The following WWOX variants were observed in gnomAD, a reference collection of about 807,000 sequenced individuals.
The protein encoded by WWOX is WW domain-containing oxidoreductase.
In WWOX, 69 loss-of-function variants were observed where a neutral mutation model predicts 46.2. The observed-to-expected ratio is 1.49, with a 90% CI of 1.23 to 1.82. The LOEUF is 1.82. WWOX is among the 40% of genes most tolerant of loss of function. The pLI is 0.00. For missense variants in WWOX, 919 were observed against 542.6 expected, an observed-to-expected ratio of 1.69 and a Z score of -6.89; for synonymous variants, 359 against 202.6, an observed-to-expected ratio of 1.77 and a Z score of -6.56.
At chr16:78,412,484 G>T (rs908662915) in intron 6 of WWOX, among the ~76,000 whole-genome samples, 4 of 152,150 alleles carry the variant, frequency 2.6e-5, no homozygotes, top group Non-Finnish European at 4.4e-5. Flanking sequence ...AGAAACTGCT[G>T]CAGGGAAGAT....
chr16:78,799,718 C>G lies in WWOX; in HGVS notation c.1056+366966C>G, dbSNP rs148859695. Among the ~76,000 whole-genome samples the G allele has an allele frequency of 4.4e-3, 665 of 152,266 alleles. 10 individuals carry two copies. The highest frequency in any genetic ancestry group is 0.015 in the African/African-American group (619 of 41,560). On this transcript the variant is annotated intron_variant, in intron 8 of 8. Transcript: ENST00000566780. ...CCTGCTCTCTAATATTGTCCAAAAA[C>G]CTTCTCTAAAGAAAGTACACAAATG...
intron 7 of WWOX, among the ~76,000 whole-genome samples, chr16:78,426,907 C>G (rs1365369113): frequency 1.3e-5 from 2 of 152,218 alleles, no homozygotes; most frequent in African/African-American, 2.4e-5. Context: ...TGTGATCCGC[C>G]TGCCTTGGCT....
intron 4 of WWOX, among the ~76,000 whole-genome samples, chr16:78,163,118 G>A (rs777082410): frequency 3.6e-4 from 55 of 152,102 alleles, no homozygotes; most frequent in Non-Finnish European, 6.8e-4. Context: ...TTTTGGTGAA[G>A]TTTTTTCTTT....
At chr16:78,880,811 A>T (rs763022312) in intron 8 of WWOX, among the ~76,000 whole-genome samples, 24 of 152,138 alleles carry the variant, frequency 1.6e-4, no homozygotes, top group African/African-American at 5.3e-4. Context: ...TTTTCCCAAC[A>T]TGGGAGTATG....
At chr16:78,948,399 A>G (rs775464641) in intron 8 of WWOX, among the ~76,000 whole-genome samples, 4 of 152,172 alleles carry the variant, frequency 2.6e-5, no homozygotes, top group Non-Finnish European at 5.9e-5. Context: ...CAGAACTTGT[A>G]TCTTTTCTGG....
intron 5 of WWOX, among the ~76,000 whole-genome samples, chr16:78,316,445 C>T (rs1257270425): frequency 6.6e-6 from 1 of 152,120 alleles, no homozygotes; most frequent in Admixed American, 6.5e-5. Context: ...TGGGTTCAAG[C>T]GATTCTCCTG....
At chr16:78,213,313 A>G (rs2036618791) in intron 5 of WWOX, among the ~76,000 whole-genome samples, 1 of 151,264 alleles carries the variant, frequency 6.6e-6, no homozygotes, top group African/African-American at 2.4e-5. Flanking sequence ...CATCTCTTAC[A>G]TGTGCCTCTG....
At chr16:78,524,432 G>A (rs9938312) in intron 8 of WWOX, among the ~76,000 whole-genome samples, 1,664 of 148,532 alleles carry the variant, frequency 0.011, 10 homozygotes, top group South Asian at 0.016. Context: ...TTATTTATTT[G>A]TTTGTTTGAG....
chr16:78,781,526 C>T (rs1213959487), intron 8 of WWOX, among the ~76,000 whole-genome samples: 2 of 152,176 alleles, frequency 1.3e-5, no homozygotes, highest in Non-Finnish European at 1.5e-5. Context: ...CTTTAATGGG[C>T]GATGGGTTAA....
At chr16:78,733,544 G>A (rs778753919) in intron 8 of WWOX, among the ~76,000 whole-genome samples, 9 of 150,792 alleles carry the variant, frequency 6.0e-5, no homozygotes, top group Non-Finnish European at 1.2e-4. Flanking sequence ...TCAGGAGATC[G>A]AGACCAGCCT....
chr16:79,097,569 C>A (rs1010132430), intron 8 of WWOX, among the ~76,000 whole-genome samples: 7 of 152,134 alleles, frequency 4.6e-5, no homozygotes, highest in African/African-American at 1.7e-4. Flanking sequence ...AAAAACATAA[C>A]CCTCTCCTAC....
At chr16:78,873,328 T>C (rs2044167015) in intron 8 of WWOX, 1 of 152,246 alleles carries the variant, frequency 6.6e-6, no homozygotes, top group African/African-American at 2.4e-5. Context: ...CTAGCTCCTA[T>C]TATCAGAGAT....
At chr16:78,444,776 C>T (rs151020795) in intron 8 of WWOX, among the ~76,000 whole-genome samples, 13,029 of 152,072 alleles carry the variant, frequency 0.086, 709 homozygotes, top group East Asian at 0.2. Context: ...ATGATCCACC[C>T]GCCTCGGCCT....
At chr16:78,969,685 GAAAA>G (rs1433112984) in intron 8 of WWOX, among the ~76,000 whole-genome samples, 1 of 152,036 alleles carries the variant, frequency 6.6e-6, no homozygotes, top group Non-Finnish European at 1.5e-5. Context: ...GAAGAGAAAA[GAAAA>G]GAAAGAAAGG....
intron 7 of WWOX, among the ~76,000 whole-genome samples, chr16:78,427,794 A>C (rs1223211809): frequency 6.6e-6 from 1 of 151,922 alleles, no homozygotes; most frequent in Non-Finnish European, 1.5e-5. Context: ...AAAAATTAAA[A>C]ATTGTTTAAA....
chr16:79,210,888 T>A (rs1450449265), intron 8 of WWOX, among the ~76,000 whole-genome samples: 1 of 152,210 alleles, frequency 6.6e-6, no homozygotes, highest in Non-Finnish European at 1.5e-5. Context: ...ACTTACATTT[T>A]GAAGTGGGCT....
At chr16:79,156,062 C>G (rs2050375645) in intron 8 of WWOX, among the ~76,000 whole-genome samples, 1 of 152,172 alleles carries the variant, frequency 6.6e-6, no homozygotes, top group Non-Finnish European at 1.5e-5. Context: ...CAGGTCACCA[C>G]CACCTCTTCA....
rs71376394 is a variant in WWOX at position 78,802,915 on chromosome 16, G to GAAAAAAAA, written c.1056+370183_1056+370190dup. Among the ~76,000 whole-genome samples, 49 of 10,442 alleles carry GAAAAAAAA rather than the reference G, an allele frequency of 4.7e-3. 5 individuals are homozygous for GAAAAAAAA. The highest frequency in any genetic ancestry group is 6.9e-3 in the Non-Finnish European group (37 of 5,378). The allele number at this position is 10,442 out of a possible 152,430, so 6.9% of individuals were successfully genotyped here. ...TGGGTCACAGAGCAAGACTTCATCT[G>GAAAAAAAA]AAAAAAAAAAAAAAAAAAAAAAAAA... On this transcript the variant is annotated intron_variant, in intron 8 of 8. Transcript: ENST00000566780.
chr16:78,762,876 C>T (rs2049827755), intron 8 of WWOX, among the ~76,000 whole-genome samples: 1 of 152,260 alleles, frequency 6.6e-6, no homozygotes, highest in South Asian at 2.1e-4. Context: ...CTTTGAAGGA[C>T]TCATGGTAGT....
Sources: gnomAD v4.1 joint callset for allele counts (sites outside exome capture counted in the v4.1 genomes callset) on GRCh38, gnomAD v4.1.1 for gene constraint, MANE v1.5 for transcripts, NCBI Gene and HGNC (gene_info 2026-07-23, HGNC 2026-07-21) for gene names.